The following NPM1 variants were observed in gnomAD, a reference collection of about 807,000 sequenced individuals.
NPM1 encodes nucleophosmin 1.
In NPM1, 1 loss-of-function variant was observed where a neutral mutation model predicts 44.1. The ratio of observed to expected loss-of-function variants is 0.02; its 90% CI spans 0.01 to 0.11. The LOEUF (loss-of-function observed/expected upper bound fraction) is 0.11. Ranked by LOEUF, NPM1 falls within the 10% of genes least tolerant of loss-of-function variation. The pLI, the probability that NPM1 is intolerant of heterozygous loss-of-function variation, is 1.00. For missense variants in NPM1, 197 were observed against 347.8 expected (o/e 0.57, Z 3.45); for synonymous variants, 126 against 111.8 (o/e 1.13, Z -0.80).
intron 1 of NPM1, among the ~76,000 whole-genome samples, chr5:171,388,907 A>G (rs1353230675): frequency 6.6e-6 from 1 of 152,346 alleles, no homozygotes; most frequent in East Asian, 1.9e-4. Context: ...ATCTAAACCA[A>G]GACGCTTGAC....
At chr5:171,389,097 C>A (rs1431788192) in intron 1 of NPM1, among the ~76,000 whole-genome samples, 1 of 152,212 alleles carries the variant, frequency 6.6e-6, no homozygotes, top group Non-Finnish European at 1.5e-5. Context: ...GCACCACCCC[C>A]CTCGACTTGC....
At chr5:171,407,568 T>TC in intron 9 of NPM1, 132 bp from the exon 10 acceptor site, 1 of 670,012 alleles carries the variant, frequency 1.5e-6, no homozygotes, top group Non-Finnish European at 2.6e-6. Context: ...ATACGGAGTA[T>TC]TCTTGGAAAG....
Position 171,392,894 on chromosome 5 carries a change from CGT to C in NPM1, c.460-19_460-18del. The C allele has an allele frequency of 6.2e-7, 1 of 1,611,638 alleles. No individual in the cohort carries two copies. The highest frequency in any genetic ancestry group is 8.5e-7 in the Non-Finnish European group (1 of 1,178,064). On this transcript the variant is annotated intron_variant, in intron 5 of 10. Transcript: ENST00000296930. ...ATAGAACAGCTCTTGTTCATGAGTA[CGT>C]ATCTTTTCTTTTAAAAGAAAAAAGT...
chr5:171,404,292 T>C (rs1282585523), intron 8 of NPM1, among the ~76,000 whole-genome samples: 6 of 100,708 alleles, frequency 6.0e-5, no homozygotes, highest in Non-Finnish European at 1.2e-4. Flanking sequence ...GCTCCTCACT[T>C]CCCAGATGGG....
intron 8 of NPM1, among the ~76,000 whole-genome samples, chr5:171,403,744 C>T (rs1328730068): frequency 7.0e-6 from 1 of 142,066 alleles, no homozygotes; most frequent in Admixed American, 7.0e-5. Context: ...GGCTGACCCC[C>T]CCACCTCCCT....
rs2113158539 is a variant in NPM1, at chr5:171,390,061, A to G, written c.69A>G (p.Leu23=). ...RPQNYLFGCE[L]KADKDYHFKV... The stretch of plus-strand genomic sequence containing the variant: ...TTTCTTCATTTACAGGTTGTGAACT[A>G]AAGGCCGACAAAGATTATCACTTTA... Residue 23 remains leucine (L), a synonymous_variant, in exon 2 of 11, where the codon CTA becomes CTG. Coordinates refer to ENST00000296930, the MANE Select transcript of NPM1 (RefSeq NM_002520.7). 1 of 1,578,044 alleles carries G rather than the reference A, an allele frequency of 6.3e-7. No homozygotes were observed. Among genetic ancestry groups the G allele is most frequent in the Non-Finnish European group, 8.6e-7 (1 of 1,165,136 alleles).
intron 10 of NPM1, among the ~76,000 whole-genome samples, chr5:171,409,223 A>G: frequency 6.6e-6 from 1 of 152,232 alleles, no homozygotes; most frequent in East Asian, 1.9e-4. Flanking sequence ...TGTTACAGAG[A>G]TTATCAAAAC....
intron 6 of NPM1, among the ~76,000 whole-genome samples, chr5:171,396,193 CT>C (rs1770873851): frequency 6.6e-6 from 1 of 152,058 alleles, no homozygotes; most frequent in Non-Finnish European, 1.5e-5. Context: ...GTTGGTCAGG[CT>C]AGTCTTGAAC....
At chr5:171,392,270 C>T (rs1770616072) in intron 4 of NPM1, among the ~76,000 whole-genome samples, 1 of 152,156 alleles carries the variant, frequency 6.6e-6, no homozygotes, top group Non-Finnish European at 1.5e-5. Flanking sequence ...AAGACAGTCT[C>T]ATTATAACGG....
At chr5:171,387,840 G>T, upstream of NPM1, 2 of 1,020,688 alleles carry the variant, frequency 2.0e-6, no homozygotes, top group Admixed American at 2.0e-5. Context: ...AGCGCGGGGA[G>T]CCTGCGTCCT....
At chr5:171,392,004 C>T (rs1336834947) in intron 4 of NPM1, among the ~76,000 whole-genome samples, 1 of 151,884 alleles carries the variant, frequency 6.6e-6, no homozygotes, top group Non-Finnish European at 1.5e-5. Flanking sequence ...AGTACAGTGG[C>T]ACGATCTTGG....
intron 2 of NPM1, 150 bp from the exon 3 acceptor site, chr5:171,391,155 T>A (rs565866436): frequency 6.9e-6 from 6 of 869,926 alleles, no homozygotes; most frequent in South Asian, 6.9e-5. Flanking sequence ...CACATTCTTA[T>A]GATTGTACAA....
chr5:171,405,517 C>T, intron 9 of NPM1, 114 bp downstream of exon 9: 1 of 655,578 alleles, frequency 1.5e-6, no homozygotes, highest in Non-Finnish European at 2.7e-6. Flanking sequence ...AATATACTTG[C>T]CTGGTTCGTG....
intron 6 of NPM1, among the ~76,000 whole-genome samples, chr5:171,393,640 C>T (rs774759589): frequency 3.9e-5 from 6 of 152,150 alleles, no homozygotes; most frequent in African/African-American, 1.2e-4. Context: ...TGATTTGGCT[C>T]TCAGCTTTGT....
chr5:171,388,075 C>A, intron 1 of NPM1, 69 bp downstream of exon 1: 1 of 567,958 alleles, frequency 1.8e-6, no homozygotes, highest in Non-Finnish European at 3.4e-6. Flanking sequence ...GGGTGAGGGG[C>A]GGGAATCCGG....
In NPM1 at chr5:171,407,517, C is replaced by G. The variant is rs1336484467; in HGVS notation, c.772-183C>G. 8 of 595,078 alleles carry G rather than the reference C, an allele frequency of 1.3e-5. No homozygotes were observed. The Middle Eastern group carries it at 1.3e-3, about 99-fold the overall frequency. The allele number at this position is 595,078 out of a possible 1,614,324, so 36.9% of individuals were successfully genotyped here. ...TGGCAAATCTGTTTGAATAGAGATA[C>G]TAGCCATGCTGCCCAATAGGGCTTT... On this transcript the variant is annotated intron_variant, in intron 9 of 10. Coordinates refer to ENST00000296930, the MANE Select transcript of NPM1 (RefSeq NM_002520.7).
chr5:171,387,832 C>G, upstream of NPM1: 1 of 951,932 alleles, frequency 1.1e-6, no homozygotes, highest in Non-Finnish European at 1.7e-6. Flanking sequence ...TATATATAAG[C>G]GCGGGGAGCC....
intron 9 of NPM1, chr5:171,406,339 T>C: frequency 2.0e-6 from 3 of 1,486,796 alleles, no homozygotes; most frequent in Non-Finnish European, 1.9e-6. Flanking sequence ...AAATGACATC[T>C]TTTAGATGCC....
chr5:171,397,147 CAT>C (rs1185773593), intron 6 of NPM1, among the ~76,000 whole-genome samples: 1 of 151,922 alleles, frequency 6.6e-6, no homozygotes, highest in East Asian at 1.9e-4. Flanking sequence ...TCCTGTCCCT[CAT>C]ATTTTGCACG....
Sources: gnomAD v4.1 joint callset for allele counts (sites outside exome capture counted in the v4.1 genomes callset) on GRCh38, gnomAD v4.1.1 for gene constraint, MANE v1.5 for transcripts, NCBI Gene and HGNC (gene_info 2026-07-23, HGNC 2026-07-21) for gene names.